The following SGCD variants were observed in gnomAD, a reference collection of about 807,000 sequenced individuals.
The protein encoded by SGCD is sarcoglycan delta.
Under a neutral mutation model 36.6 loss-of-function variants are expected in SGCD, and 18 were observed. That is an observed-to-expected ratio of 0.49 (90% CI 0.34 to 0.73). The LOEUF is 0.73. Among genes scored for constraint, SGCD ranks in the 30% least tolerant of loss-of-function variants. SGCD has a pLI of 0.01. For missense variants in SGCD, 387 were observed against 346.7 expected (o/e 1.12, Z -0.92); for synonymous variants, 133 against 130.6 (o/e 1.02, Z -0.12).
chr5:155,860,757 T>G, the SGCD span, among the ~76,000 whole-genome samples: 9 of 152,344 alleles, frequency 5.9e-5, no homozygotes, highest in Non-Finnish European at 1.0e-4. Context: ...GAGATTCACT[T>G]AAGATTTTCA....
chr5:156,623,709 C>T (rs931677546), intron 6 of SGCD, among the ~76,000 whole-genome samples: 3 of 152,118 alleles, frequency 2.0e-5, no homozygotes, highest in East Asian at 1.9e-4. Context: ...AGGAAAGAGC[C>T]GATATGAAAT....
chr5:156,530,360 A>C (rs952806582), intron 4 of SGCD, among the ~76,000 whole-genome samples: 1 of 152,172 alleles, frequency 6.6e-6, no homozygotes, highest in African/African-American at 2.4e-5. Context: ...AATGAAGTTG[A>C]GTTTATTTTT....
At chr5:156,705,744 A>G (rs1404254376) in intron 7 of SGCD, among the ~76,000 whole-genome samples, 1 of 152,152 alleles carries the variant, frequency 6.6e-6, no homozygotes, top group African/African-American at 2.4e-5. Flanking sequence ...TAGACATTGC[A>G]TATATCTTAA....
intron 3 of SGCD, among the ~76,000 whole-genome samples, chr5:156,484,859 G>A (rs2127842925): frequency 6.6e-6 from 1 of 152,266 alleles, no homozygotes; most frequent in Non-Finnish European, 1.5e-5. Context: ...ATTTCCAGGG[G>A]TCATCTTGGT....
At chr5:156,579,349 G>T (rs11953810) in intron 4 of SGCD, among the ~76,000 whole-genome samples, 10,155 of 152,216 alleles carry the variant, frequency 0.067, 370 homozygotes, top group South Asian at 0.1. Context: ...GTCAATTTTG[G>T]AAGAAGTGTG....
At chr5:155,836,098 C>T in the SGCD span, among the ~76,000 whole-genome samples, 1 of 152,154 alleles carries the variant, frequency 6.6e-6, no homozygotes, top group African/African-American at 2.4e-5. Flanking sequence ...AAGTTTCAGT[C>T]CTGACTACTT....
chr5:155,899,720 T>C (rs780155783), intron 1 of SGCD, among the ~76,000 whole-genome samples: 1 of 152,120 alleles, frequency 6.6e-6, no homozygotes, highest in Non-Finnish European at 1.5e-5. Flanking sequence ...TGGAGGGCAA[T>C]GAGGTTGAAA....
At chr5:155,758,102 T>C in the SGCD span, among the ~76,000 whole-genome samples, 1 of 152,122 alleles carries the variant, frequency 6.6e-6, no homozygotes, top group Admixed American at 6.5e-5. Flanking sequence ...ATCAGCAGCA[T>C]GAAAACAGAC....
At chr5:155,887,650 G>A (rs753555791) in intron 1 of SGCD, among the ~76,000 whole-genome samples, 2 of 152,164 alleles carry the variant, frequency 1.3e-5, no homozygotes, top group Non-Finnish European at 2.9e-5. Flanking sequence ...AGGACATTTT[G>A]TACGTGAACC....
intron 3 of SGCD, among the ~76,000 whole-genome samples, chr5:156,441,665 GTTATATCTT>G (rs1753495843): frequency 6.6e-6 from 1 of 152,084 alleles, no homozygotes; most frequent in South Asian, 2.1e-4. Context: ...ATGTAGCTTA[GTTATATCTT>G]TCTCCATGGG....
intron 3 of SGCD, among the ~76,000 whole-genome samples, chr5:156,216,238 A>G (rs1380172171): frequency 1.3e-5 from 2 of 152,184 alleles, no homozygotes; most frequent in African/African-American, 4.8e-5. Context: ...GATTAAGTTC[A>G]AGAGATCTAG....
intron 4 of SGCD, among the ~76,000 whole-genome samples, chr5:156,547,172 G>A (rs1488050206): frequency 4.6e-5 from 7 of 152,154 alleles, no homozygotes; most frequent in Admixed American, 4.6e-4. Flanking sequence ...TCAGAACTAT[G>A]ATAATACATT....
intron 3 of SGCD, among the ~76,000 whole-genome samples, chr5:156,234,351 C>A (rs1258370978): frequency 6.6e-6 from 1 of 151,868 alleles, no homozygotes; most frequent in African/African-American, 2.4e-5. Flanking sequence ...GTCTCTTAAC[C>A]CAGCAACTTT....
intron 3 of SGCD, among the ~76,000 whole-genome samples, chr5:156,473,111 C>T (rs973666828): frequency 2.0e-5 from 3 of 152,128 alleles, no homozygotes; most frequent in South Asian, 2.1e-4. Flanking sequence ...TCCAGTCTCA[C>T]GAAAGAATTG....
At chr5:156,178,739 C>A (rs1763531301) in intron 3 of SGCD, among the ~76,000 whole-genome samples, 1 of 152,016 alleles carries the variant, frequency 6.6e-6, no homozygotes, top group Non-Finnish European at 1.5e-5. Flanking sequence ...CCATGCCTGG[C>A]TAATTTTTGT....
chr5:156,391,057 A>G (rs1293775203), intron 3 of SGCD, among the ~76,000 whole-genome samples: 1 of 152,182 alleles, frequency 6.6e-6, no homozygotes, highest in Non-Finnish European at 1.5e-5. Flanking sequence ...TGACTTACCC[A>G]GGGAGAGAAA....
At chr5:156,127,784 A>T (rs1158371155) in intron 3 of SGCD, among the ~76,000 whole-genome samples, 1 of 150,864 alleles carries the variant, frequency 6.6e-6, no homozygotes, top group African/African-American at 2.4e-5. Flanking sequence ...AAAAATAAAG[A>T]AGCTTAATTT....
chr5:156,627,950 C>T (rs1762494819), intron 6 of SGCD, among the ~76,000 whole-genome samples: 1 of 152,034 alleles, frequency 6.6e-6, no homozygotes, highest in African/African-American at 2.4e-5. Flanking sequence ...AAAGAAATAC[C>T]TGAGACTGGG....
chr5:156,280,752 A>G (rs374506607), intron 3 of SGCD, among the ~76,000 whole-genome samples: 51 of 152,324 alleles, frequency 3.3e-4, no homozygotes, highest in African/African-American at 1.2e-3. Flanking sequence ...AGAGGGGGAA[A>G]GTTTCAGTGT....
Sources: allele counts gnomAD v4.1 joint callset (sites outside exome capture counted in the v4.1 genomes callset), GRCh38; gene constraint gnomAD v4.1.1; transcripts MANE v1.5; gene names NCBI Gene and HGNC (gene_info 2026-07-23, HGNC 2026-07-21).